Variants in VPS35 observed in about 807,000 individuals in gnomAD.
The protein encoded by VPS35 is VPS35 retromer complex component, also known as vacuolar protein sorting-associated protein 35.
A neutral mutation model predicts 98.1 loss-of-function variants in VPS35; 21 were observed. The observed-to-expected ratio is 0.21, with a 90% confidence interval of 0.15 to 0.31. The LOEUF is 0.31. Among genes scored for constraint, VPS35 ranks in the 10% least tolerant of loss-of-function variants. The pLI is 1.00. For synonymous variants in VPS35, 268 were observed against 318.2 expected, an observed-to-expected ratio of 0.84 and a Z score of 1.68; for missense variants, 554 against 950.8, an observed-to-expected ratio of 0.58 and a Z score of 5.49.
At position 46,681,114 on chromosome 16, in the gene VPS35, AATTAT is replaced by A. The variant is rs535528399; in HGVS notation, c.323+258_323+262del. Among the ~76,000 whole-genome samples, 774 of 152,132 alleles carry A rather than the reference AATTAT, an allele frequency of 5.1e-3. 2 individuals carry two copies. The highest frequency in any genetic ancestry group is 8.6e-3 in the Non-Finnish European group (587 of 67,952). On this transcript the variant is annotated intron_variant, in intron 4 of 16. Coordinates refer to ENST00000299138, the MANE Select transcript of VPS35 (RefSeq NM_018206.6). Reference sequence around the variant, plus strand: ...CCTTTAAACATATTAGGAAGAGAACAATTATATTAATTTTTCTAATAGTCAAGACA... The same window carrying A: ...CCTTTAAACATATTAGGAAGAGAACAATTAATTTTTCTAATAGTCAAGACA...
At chr16:46,673,994 G>T in intron 10 of VPS35, 1 of 314,574 alleles carries the variant, frequency 3.2e-6, no homozygotes, top group African/African-American at 2.1e-5. Context: ...TGTATTTTAT[G>T]TGTGGCCCAA....
chr16:46,680,751 A>G lies in VPS35; in HGVS notation c.426T>C (p.His142=), dbSNP rs1204322513. The G allele has an allele frequency of 7.4e-6, 12 of 1,614,120 alleles. No homozygotes were observed. In the East Asian group the frequency reaches 2.0e-4, roughly 27 times the overall value. The change falls in exon 5 of 17, where the codon CAT becomes CAC. Residue 142 remains histidine (H), a synonymous_variant. Transcript: ENST00000299138. ...TTCGAAGAAACAGACCCCTCAAGGG[A>G]TGTTGCACACCACGGCACATTTCTA... The part of the protein sequence containing the change: ...DLVEMCRGVQ[H]PLRGLFLRNY...
At chr16:46,683,044 C>A in intron 2 of VPS35, 1 of 166,804 alleles carries the variant, frequency 6.0e-6, no homozygotes, top group South Asian at 1.5e-4. Flanking sequence ...TATATCTATT[C>A]AGCAAAGAAA....
At chr16:46,669,663 T>A (rs1966039875) in intron 12 of VPS35, among the ~76,000 whole-genome samples, 3 of 136,482 alleles carry the variant, frequency 2.2e-5, no homozygotes, top group South Asian at 4.5e-4. Flanking sequence ...CAAGATTCCA[T>A]CTCAAAAAAA....
At chr16:46,674,211 A>T in intron 10 of VPS35, 103 bp downstream of exon 10, 2 of 1,311,938 alleles carry the variant, frequency 1.5e-6, no homozygotes, top group South Asian at 1.2e-5. Context: ...ATGCATGATT[A>T]AAACAAGACA....
At chr16:46,669,168 T>C in intron 12 of VPS35, 116 bp from the exon 13 acceptor site, 1 of 1,306,538 alleles carries the variant, frequency 7.7e-7, no homozygotes, top group Non-Finnish European at 1.1e-6. Context: ...CAATGTACCA[T>C]ACTTTATGGT....
Position 46,661,695 on chromosome 16 carries a change from C to T in VPS35, c.2211+23G>A, listed in dbSNP as rs748557788. ...GGAAGGGAAAATATTAGTTTATTAACAACACTTTACTAATTCACTTACCGC... is the reference window on the plus strand; with the variant it reads ...GGAAGGGAAAATATTAGTTTATTAATAACACTTTACTAATTCACTTACCGC... On this transcript the variant is annotated intron_variant, in intron 16 of 16. Transcript: ENST00000299138. This position sits in a 1 kb window ranked among gnomAD's most constrained non-coding sequence, Gnocchi z 4.3. The T allele has an allele frequency of 4.4e-6, 7 of 1,588,010 alleles. No homozygotes were observed. Among genetic ancestry groups the T allele is most frequent in the Admixed American group, 3.3e-5 (2 of 59,902 alleles).
chr16:46,684,087 A>G (rs2143009183), intron 1 of VPS35, among the ~76,000 whole-genome samples: 1 of 152,310 alleles, frequency 6.6e-6, no homozygotes, highest in East Asian at 1.9e-4. Context: ...AAGTTAACAG[A>G]ATAAGACTGA....
intron 1 of VPS35, among the ~76,000 whole-genome samples, chr16:46,684,001 T>C (rs1421065742): frequency 6.6e-6 from 1 of 152,200 alleles, no homozygotes; most frequent in Non-Finnish European, 1.5e-5. Context: ...GCTTGGATTA[T>C]AGGCATGAGC....
intron 1 of VPS35, among the ~76,000 whole-genome samples, chr16:46,686,232 G>A (rs1160951400): frequency 1.3e-5 from 2 of 152,014 alleles, no homozygotes; most frequent in Non-Finnish European, 2.9e-5. Flanking sequence ...TTTTAAAAAC[G>A]AAGTATTTCA....
In VPS35 at chr16:46,669,018, C is replaced by T. The variant is rs1966029805; in HGVS notation, c.1559G>A (p.Gly520Asp). The change falls in exon 13 of 17, where the codon GGT (glycine) becomes GAT (aspartate). Residue 520 changes from glycine to aspartate, a missense_variant. Transcript: ENST00000299138. ...LNTARKHFGA[G>D]GNQRIRFTLP... ...TGTGAAGCGAATCCGCTGATTTCCA[C>T]CAGCTCCAAAATGTTTTCGTGCTGT... 6.2e-7 allele frequency: 1 copy of T among 1,614,012 alleles called. No individual in the cohort carries two copies. Among genetic ancestry groups the T allele is most frequent in the East Asian group, 2.2e-5 (1 of 44,892 alleles).
intron 6 of VPS35, among the ~76,000 whole-genome samples, chr16:46,678,143 C>T (rs1298400122): frequency 6.6e-6 from 1 of 152,112 alleles, no homozygotes; most frequent in Non-Finnish European, 1.5e-5. Flanking sequence ...TAAAGTTTTA[C>T]TAGAACACAG....
intron 5 of VPS35, among the ~76,000 whole-genome samples, chr16:46,679,603 T>A (rs1346909486): frequency 6.6e-6 from 1 of 152,228 alleles, no homozygotes; most frequent in African/African-American, 2.4e-5. Flanking sequence ...AATGTAACAC[T>A]TATGGTGTAC....
intron 13 of VPS35, among the ~76,000 whole-genome samples, chr16:46,666,806 TAC>T (rs984572467): frequency 1.3e-5 from 2 of 152,240 alleles, no homozygotes; most frequent in Non-Finnish European, 2.9e-5. Context: ...TACATACATA[TAC>T]ACACATATAT....
chr16:46,688,617 G>A, intron 1 of VPS35: 1 of 1,002,844 alleles, frequency 1.0e-6, no homozygotes, highest in Non-Finnish European at 1.2e-6. Flanking sequence ...GCAGCCGAAG[G>A]CGGGTATGAG....
intron 1 of VPS35, chr16:46,688,726 G>A: frequency 8.5e-7 from 1 of 1,181,416 alleles, no homozygotes; most frequent in African/African-American, 1.6e-5. Flanking sequence ...ATCTGGGCGG[G>A]TCCCGGCGCC....
rs201098565 is a variant in VPS35, at chr16:46,679,077, G to A, written c.586C>T (p.Arg196Ter). ...CGGCTATGTCCCTGATGCTGCATTC[G>A]CACCCAGAGCTTGTTCATTTCTGCA... ...NFAEMNKLWV[R>*]MQHQGHSRDR... The change falls in exon 6 of 17, where the codon CGA becomes TGA. Residue 196 changes from arginine to a stop codon, truncating the protein, a stop_gained. Transcript: ENST00000299138. LOFTEE classifies it high-confidence loss of function. 2 of 1,613,814 alleles carry A rather than the reference G, an allele frequency of 1.2e-6. No homozygotes were observed. The highest frequency in any genetic ancestry group is 1.7e-6 in the Non-Finnish European group (2 of 1,179,986).
At position 46,658,115 on chromosome 16, in the gene VPS35, A is replaced by G. The variant is rs1472520989; in HGVS notation, c.*2357T>C. 6.6e-6 allele frequency: 1 copy of G among 152,390 alleles called. No homozygotes were observed. Among genetic ancestry groups the G allele is most frequent in the Non-Finnish European group, 1.5e-5 (1 of 68,042 alleles). 9.4% of individuals were successfully genotyped at this position (152,390 alleles called of 1,614,324 possible). A position where few individuals can be genotyped will look rare whatever the true frequency, so the allele number is the denominator to read the frequency against. ...TATTTCACTACAGGCAGCCAAGAGTATAACTTGCTTCAGCCCATGGGTCTG... is the reference window on the plus strand; with the variant it reads ...TATTTCACTACAGGCAGCCAAGAGTGTAACTTGCTTCAGCCCATGGGTCTG... On this transcript the variant is annotated 3_prime_UTR_variant, in exon 17 of 17. Coordinates refer to ENST00000299138, the MANE Select transcript of VPS35 (RefSeq NM_018206.6).
In VPS35 at chr16:46,683,589, G is replaced by A. The variant is rs1324046165; in HGVS notation, c.21C>T (p.Ser7=). 1.2e-6 allele frequency: 2 copies of A among 1,613,070 alleles called. No homozygotes were observed. Among genetic ancestry groups the A allele is most frequent in the Admixed American group, 1.7e-5 (1 of 59,972 alleles). Residue 7 remains serine, a synonymous_variant, in exon 2 of 17, where the codon TCC becomes TCT. Transcript: ENST00000299138. ...AGAGCTTTTCCTGCTCATCCTGAGG[G>A]GACTGCTGTGTTGTAGGCTGAAAAA... The part of the protein sequence containing the change: MPTTQQ[S]PQDEQEKLLD...
Sources: allele counts gnomAD v4.1 joint callset (sites outside exome capture counted in the v4.1 genomes callset), GRCh38; gene constraint gnomAD v4.1.1; non-coding constraint Gnocchi (gnomAD v3.1); transcripts MANE v1.5; gene names NCBI Gene and HGNC (gene_info 2026-07-23, HGNC 2026-07-21).